EFNA5: variants seen among roughly 807,000 people sequenced by gnomAD.
EFNA5 encodes ephrin A5, also known as ephrin-A5.
Under a neutral mutation model 22.9 loss-of-function variants are expected in EFNA5, and 5 were observed. The observed-to-expected ratio is 0.22, with a 90% confidence interval of 0.11 to 0.46. EFNA5 has a LOEUF of 0.46. Ranked by LOEUF, EFNA5 falls within the 20% of genes least tolerant of loss-of-function variation. EFNA5 has a pLI of 0.99. For missense variants in EFNA5, 237 were observed against 293.3 expected, an observed-to-expected ratio of 0.81 and a Z score of 1.40; for synonymous variants, 113 against 112.2, an observed-to-expected ratio of 1.01 and a Z score of -0.04.
intron 1 of EFNA5, among the ~76,000 whole-genome samples, chr5:107,570,678 A>G (rs1748783452): frequency 6.6e-6 from 1 of 152,110 alleles, no homozygotes; most frequent in Non-Finnish European, 1.5e-5. Context: ...GGTATTAATG[A>G]TTCTAATAGT....
intron 1 of EFNA5, among the ~76,000 whole-genome samples, chr5:107,641,021 T>TAGATAGATAGATAAATAGATAGAC (rs796272956): frequency 8.9e-6 from 1 of 111,944 alleles, no homozygotes; most frequent in African/African-American, 3.0e-5. Flanking sequence ...GATAGATAGA[T>TAGATAGATAGATAAATAGATAGAC]AGACAGACAG....
intron 1 of EFNA5, among the ~76,000 whole-genome samples, chr5:107,600,917 G>A (rs1188304044): frequency 6.6e-6 from 1 of 152,152 alleles, no homozygotes; most frequent in South Asian, 2.1e-4. Context: ...TCTTGATTAA[G>A]ATACAGAAAA....
At chr5:107,602,851 T>C (rs1164884311) in intron 1 of EFNA5, among the ~76,000 whole-genome samples, 1 of 151,434 alleles carries the variant, frequency 6.6e-6, no homozygotes, top group Non-Finnish European at 1.5e-5. Context: ...AAGAAAAAAA[T>C]ACTAATTAGA....
At chr5:107,477,657 G>C (rs367630849) in intron 1 of EFNA5, among the ~76,000 whole-genome samples, 5 of 152,136 alleles carry the variant, frequency 3.3e-5, no homozygotes, top group Non-Finnish European at 7.4e-5. Flanking sequence ...AGCCACAGGT[G>C]AAAGGTTTCT....
intron 1 of EFNA5, among the ~76,000 whole-genome samples, chr5:107,493,492 G>A (rs1746871458): frequency 6.6e-6 from 1 of 152,096 alleles, no homozygotes; most frequent in African/African-American, 2.4e-5. Context: ...AGAAAAAGTT[G>A]CCTAAATACC....
intron 1 of EFNA5, among the ~76,000 whole-genome samples, chr5:107,608,721 T>C (rs1027914845): frequency 6.6e-6 from 1 of 152,202 alleles, no homozygotes; most frequent in African/African-American, 2.4e-5. Context: ...TGGGCTCACC[T>C]TTCACAAAGT....
At chr5:107,453,064 T>C (rs1227257713) in intron 1 of EFNA5, among the ~76,000 whole-genome samples, 1 of 152,188 alleles carries the variant, frequency 6.6e-6, no homozygotes, top group East Asian at 1.9e-4. Context: ...TCTTCTGGCT[T>C]CTTTCTAAAG....
At chr5:107,416,562 T>A (rs1748510589) in intron 2 of EFNA5, among the ~76,000 whole-genome samples, 1 of 152,178 alleles carries the variant, frequency 6.6e-6, no homozygotes, top group Non-Finnish European at 1.5e-5. Flanking sequence ...TGCCTGCCAC[T>A]TAGTACATGC....
At chr5:107,435,108 T>A (rs1749071723) in intron 1 of EFNA5, among the ~76,000 whole-genome samples, 1 of 152,238 alleles carries the variant, frequency 6.6e-6, no homozygotes, top group Admixed American at 6.5e-5. Flanking sequence ...ATGTCTGTTT[T>A]TAACTAGTAT....
At chr5:107,444,646 C>T (rs959334376) in intron 1 of EFNA5, among the ~76,000 whole-genome samples, 6 of 152,202 alleles carry the variant, frequency 3.9e-5, no homozygotes, top group South Asian at 4.1e-4. Context: ...AAAATAGAAG[C>T]GCAATTTGAG....
chr5:107,448,525 C>T (rs949916374), intron 1 of EFNA5, among the ~76,000 whole-genome samples: 2 of 151,870 alleles, frequency 1.3e-5, no homozygotes, highest in African/African-American at 2.4e-5. Flanking sequence ...GGAGGAACAT[C>T]GGAAGGTTAA....
chr5:107,398,080 C>T (rs929002184), intron 2 of EFNA5, among the ~76,000 whole-genome samples: 3 of 152,140 alleles, frequency 2.0e-5, no homozygotes, highest in Non-Finnish European at 2.9e-5. Context: ...GTGGCCCAGG[C>T]TGGAATGCAG....
intron 1 of EFNA5, among the ~76,000 whole-genome samples, chr5:107,570,262 A>G (rs897587747): frequency 3.3e-5 from 5 of 152,242 alleles, no homozygotes; most frequent in Non-Finnish European, 5.9e-5. Flanking sequence ...AACCCATTGC[A>G]TGTAATTAGC....
chr5:107,414,209 C>G (rs541042742), intron 2 of EFNA5, among the ~76,000 whole-genome samples: 2 of 152,238 alleles, frequency 1.3e-5, no homozygotes, highest in South Asian at 4.2e-4. Context: ...GACTTTTTAC[C>G]TATCATCTCC....
intron 1 of EFNA5, among the ~76,000 whole-genome samples, chr5:107,447,766 A>G (rs1000361848): frequency 6.6e-6 from 1 of 152,200 alleles, no homozygotes; most frequent in Admixed American, 6.5e-5. Flanking sequence ...TTGACAGCAA[A>G]TGAGACCACC....
chr5:107,486,868 T>A (rs1746637718), intron 1 of EFNA5, among the ~76,000 whole-genome samples: 1 of 152,208 alleles, frequency 6.6e-6, no homozygotes, highest in Non-Finnish European at 1.5e-5. Context: ...TAGAGAAAGT[T>A]ACTATGAAAA....
chr5:107,520,541 G>A (rs189015008), intron 1 of EFNA5, among the ~76,000 whole-genome samples: 20 of 152,220 alleles, frequency 1.3e-4, no homozygotes, highest in Admixed American at 8.5e-4. Context: ...GTGTCTAGGT[G>A]AGTCCAAATT....
chr5:107,440,589 C>G (rs1749230049), intron 1 of EFNA5, among the ~76,000 whole-genome samples: 1 of 152,206 alleles, frequency 6.6e-6, no homozygotes, highest in Non-Finnish European at 1.5e-5. Context: ...AAACTCAGCA[C>G]TGTCAGCTTT....
chr5:107,537,637 T>G (rs1747956174), intron 1 of EFNA5, among the ~76,000 whole-genome samples: 1 of 152,178 alleles, frequency 6.6e-6, no homozygotes, highest in African/African-American at 2.4e-5. Context: ...TTCATAATCT[T>G]ATTTAATCTT....
Sources: gnomAD v4.1 joint callset for allele counts (sites outside exome capture counted in the v4.1 genomes callset) on GRCh38, gnomAD v4.1.1 for gene constraint, MANE v1.5 for transcripts, NCBI Gene and HGNC (gene_info 2026-07-23, HGNC 2026-07-21) for gene names.